RNF115: variants seen among roughly 807,000 people sequenced by gnomAD.
RNF115 encodes the protein ring finger protein 115, also known as E3 ubiquitin-protein ligase RNF115.
A neutral mutation model predicts 39.2 loss-of-function variants in RNF115; 31 were observed. The ratio of observed to expected loss-of-function variants is 0.79; its 90% confidence interval spans 0.59 to 1.07. The LOEUF is 1.07. Among genes scored for constraint, RNF115 ranks in the 50% least tolerant of loss-of-function variants. The pLI is 0.00. For synonymous variants in RNF115, 124 were observed against 131.0 expected (o/e 0.95, Z 0.37); for missense variants, 384 against 381.7 (o/e 1.01, Z -0.05).
chr1:145,753,541 C>A (rs1658175639), intron 4 of RNF115, among the ~76,000 whole-genome samples: 1 of 152,096 alleles, frequency 6.6e-6, no homozygotes. Flanking sequence ...AACACAAACA[C>A]ATATAAACAC....
chr1:145,765,282 T>C (rs587746794), intron 4 of RNF115, among the ~76,000 whole-genome samples: 3 of 152,276 alleles, frequency 2.0e-5, no homozygotes, highest in East Asian at 1.9e-4. Flanking sequence ...ACAAACACTG[T>C]GGAAGGCCGC....
At chr1:145,753,674 G>A (rs1355807451) in intron 4 of RNF115, among the ~76,000 whole-genome samples, 2 of 152,144 alleles carry the variant, frequency 1.3e-5, no homozygotes, top group African/African-American at 4.8e-5. Context: ...AGAAAAACCT[G>A]AAGAAATTGT....
intron 3 of RNF115, among the ~76,000 whole-genome samples, chr1:145,779,103 T>C (rs1419836895): frequency 6.6e-6 from 1 of 152,180 alleles, no homozygotes; most frequent in African/African-American, 2.4e-5. Context: ...CCATCATATA[T>C]AACTAGACAT....
rs1405307087 is a variant in RNF115, at chr1:145,740,440, T to G, written c.*6426A>C. ...TTGCTTCTAAAGAGTTTATTTACTCTGCTTATCTCGAGACTTGGTTAAACA... is the reference window on the plus strand; with the variant it reads ...TTGCTTCTAAAGAGTTTATTTACTCGGCTTATCTCGAGACTTGGTTAAACA... On this transcript the variant is annotated 3_prime_UTR_variant, in exon 9 of 9. Transcript: ENST00000582693. The G allele has an allele frequency of 2.6e-5, 4 of 152,300 alleles. No homozygotes were observed. The highest frequency in any genetic ancestry group is 4.8e-5 in the African/African-American group (2 of 41,480). The allele number at this position is 152,300 out of a possible 1,614,324, so 9.4% of individuals were successfully genotyped here. A position where few individuals can be genotyped will look rare whatever the true frequency, so the allele number is the denominator to read the frequency against.
intron 1 of RNF115, among the ~76,000 whole-genome samples, chr1:145,809,370 A>G (rs1437436105): frequency 6.6e-6 from 1 of 150,870 alleles, no homozygotes; most frequent in Non-Finnish European, 1.5e-5. Context: ...TACTTTTAGT[A>G]GATGCAGATT....
chr1:145,767,102 G>C (rs1553715042), intron 4 of RNF115, among the ~76,000 whole-genome samples: 1 of 151,160 alleles, frequency 6.6e-6, no homozygotes, highest in Non-Finnish European at 1.5e-5. Context: ...GGACGGGGCG[G>C]CTGGCCCGGC....
At chr1:145,802,433 G>A (rs1246811693) in intron 1 of RNF115, among the ~76,000 whole-genome samples, 2 of 152,138 alleles carry the variant, frequency 1.3e-5, no homozygotes, top group Admixed American at 6.5e-5. Context: ...ATCACAATAC[G>A]TGACACCTTA....
intron 5 of RNF115, among the ~76,000 whole-genome samples, chr1:145,752,058 T>C (rs587705240): frequency 1.3e-5 from 2 of 152,188 alleles, no homozygotes; most frequent in Admixed American, 1.3e-4. Flanking sequence ...GCTGGTACAC[T>C]ACCAGCAGAG....
intron 4 of RNF115, among the ~76,000 whole-genome samples, chr1:145,764,640 C>T (rs1339514151): frequency 6.6e-6 from 1 of 151,894 alleles, no homozygotes; most frequent in African/African-American, 2.4e-5. Flanking sequence ...GCCCCTCCAC[C>T]CGGCAGCCGC....
At chr1:145,782,696 T>C (rs1427198065) in intron 3 of RNF115, among the ~76,000 whole-genome samples, 1 of 152,226 alleles carries the variant, frequency 6.6e-6, no homozygotes, top group Admixed American at 6.5e-5. Context: ...GACCGATCTA[T>C]TTCCATTACC....
At chr1:145,792,885 TG>T (rs1411542186) in intron 1 of RNF115, among the ~76,000 whole-genome samples, 2 of 152,164 alleles carry the variant, frequency 1.3e-5, no homozygotes, top group Non-Finnish European at 1.5e-5. Context: ...ACATAAAGGA[TG>T]AGACACATTC....
chr1:145,789,700 C>CTTTTT (rs67276251), intron 1 of RNF115, among the ~76,000 whole-genome samples: 31 of 86,758 alleles, frequency 3.6e-4, no homozygotes, highest in African/African-American at 6.5e-4. Context: ...ACCCGGACTT[C>CTTTTT]TTTTTTTTTT....
At position 145,824,059 on chromosome 1, in the gene RNF115, C is replaced by A. The variant is rs1010074356; in HGVS notation, c.-186G>T. ...CGGCGCCAACAGCTACCCTGCGGCC[C>A]GCCTCCCAGCACCAAAGAGGCGCAG... is the stretch of plus-strand genomic sequence containing the variant. On this transcript the variant is annotated 5_prime_UTR_variant, in exon 1 of 9. Coordinates refer to ENST00000582693, the MANE Select transcript of RNF115 (RefSeq NM_014455.4). The A allele has an allele frequency of 2.4e-4, 116 of 488,334 alleles. No homozygotes were observed. In the East Asian group the frequency reaches 2.6e-3, roughly 11 times the overall value. 30.3% of individuals were successfully genotyped at this position (488,334 alleles called of 1,614,324 possible).
At chr1:145,820,523 A>G (rs1650187960) in intron 1 of RNF115, among the ~76,000 whole-genome samples, 1 of 151,532 alleles carries the variant, frequency 6.6e-6, no homozygotes, top group African/African-American at 2.4e-5. Flanking sequence ...GCATATCACA[A>G]GGTCGAGATG....
intron 4 of RNF115, among the ~76,000 whole-genome samples, chr1:145,758,866 T>C (rs587619711): frequency 1.3e-5 from 2 of 152,338 alleles, no homozygotes; most frequent in African/African-American, 4.8e-5. Flanking sequence ...GAACAATAGT[T>C]GACAGAGTAT....
chr1:145,806,691 C>G (rs1226691340), intron 1 of RNF115, among the ~76,000 whole-genome samples: 3 of 152,178 alleles, frequency 2.0e-5, no homozygotes, highest in Non-Finnish European at 4.4e-5. Context: ...TTGCGGAACA[C>G]CTGCTTCCCC....
At chr1:145,754,134 CGTTT>C (rs1658204341) in intron 4 of RNF115, among the ~76,000 whole-genome samples, 2 of 152,232 alleles carry the variant, frequency 1.3e-5, no homozygotes, top group South Asian at 2.1e-4. Flanking sequence ...TACACTATTC[CGTTT>C]GTTTGCTTGC....
At position 145,778,886 on chromosome 1, in the gene RNF115, T is replaced by C. The variant is rs782653365; in HGVS notation, c.219+5653A>G. On this transcript the variant is annotated intron_variant, in intron 3 of 8. Coordinates refer to ENST00000582693, the MANE Select transcript of RNF115 (RefSeq NM_014455.4). ...GGAAGTTGCACAAATGCAAAGTACATTGTTCTGATTATGTGTGCCTGCTTT... is the reference window on the plus strand; with the variant it reads ...GGAAGTTGCACAAATGCAAAGTACACTGTTCTGATTATGTGTGCCTGCTTT... Among the ~76,000 whole-genome samples the C allele has an allele frequency of 6.6e-5, 10 of 152,200 alleles. No individual in the cohort carries two copies. In the South Asian group the frequency reaches 8.3e-4, roughly 13 times the overall value.
intron 2 of RNF115, 89 bp downstream of exon 2, chr1:145,788,819 G>A (rs782068295): frequency 4.2e-6 from 4 of 958,342 alleles, no homozygotes; most frequent in Middle Eastern, 2.1e-4. Context: ...AGTGTAAGTT[G>A]TAAAACAAAT....
Sources: gnomAD v4.1 joint callset for allele counts (sites outside exome capture counted in the v4.1 genomes callset) on GRCh38, gnomAD v4.1.1 for gene constraint, MANE v1.5 for transcripts, NCBI Gene and HGNC (gene_info 2026-07-23, HGNC 2026-07-21) for gene names.